PTCHD4: variants seen among roughly 807,000 people sequenced by gnomAD.
The protein encoded by PTCHD4 is patched domain-containing protein 4.
PTCHD4 carries 33 observed loss-of-function variants against 58.1 expected under a neutral mutation model. The observed-to-expected ratio is 0.57, with a 90% CI of 0.43 to 0.76. PTCHD4 has a LOEUF of 0.76. Ranked by LOEUF, PTCHD4 falls within the 30% of genes least tolerant of loss-of-function variation. PTCHD4 has a pLI of 0.00. For synonymous variants in PTCHD4, 478 were observed against 409.6 expected, an observed-to-expected ratio of 1.17 and a Z score of -2.02; for missense variants, 1,058 against 1,027.1, an observed-to-expected ratio of 1.03 and a Z score of -0.41.
chr6:47,977,860 A>C (rs1246632915), intron 4 of PTCHD4, among the ~76,000 whole-genome samples: 1 of 152,038 alleles, frequency 6.6e-6, no homozygotes, highest in Non-Finnish European at 1.5e-5. Context: ...AAGTGTAGAT[A>C]AATCAACAAA....
At chr6:47,911,820 G>A (rs755679359) in intron 4 of PTCHD4, among the ~76,000 whole-genome samples, 1 of 152,090 alleles carries the variant, frequency 6.6e-6, no homozygotes, top group Non-Finnish European at 1.5e-5. Context: ...AATCATTCAT[G>A]TATAGATAGC....
At chr6:47,951,180 A>T (rs1441974079) in intron 4 of PTCHD4, among the ~76,000 whole-genome samples, 1 of 152,132 alleles carries the variant, frequency 6.6e-6, no homozygotes, top group Non-Finnish European at 1.5e-5. Flanking sequence ...TTGTCTTTGA[A>T]AACTCAAGTA....
At chr6:48,109,923 A>G (rs1258003953) in intron 1 of PTCHD4, among the ~76,000 whole-genome samples, 1 of 152,148 alleles carries the variant, frequency 6.6e-6, no homozygotes, top group Non-Finnish European at 1.5e-5. Flanking sequence ...TTAAAAATAA[A>G]ACTTAAAAAG....
chr6:47,943,421 C>G (rs1766305685), intron 4 of PTCHD4, among the ~76,000 whole-genome samples: 1 of 152,074 alleles, frequency 6.6e-6, no homozygotes, highest in Admixed American at 6.6e-5. Flanking sequence ...GATTGGCACT[C>G]TGCTACTGGA....
intron 4 of PTCHD4, among the ~76,000 whole-genome samples, chr6:47,941,887 CT>C (rs1561969042): frequency 6.6e-6 from 1 of 152,086 alleles, no homozygotes; most frequent in Non-Finnish European, 1.5e-5. Context: ...AAAGTGGTCT[CT>C]TTTTAAGAAA....
intron 4 of PTCHD4, among the ~76,000 whole-genome samples, chr6:47,945,821 C>A (rs549803828): frequency 6.6e-6 from 1 of 151,760 alleles, no homozygotes; most frequent in East Asian, 1.9e-4. Context: ...TAATTTTCTT[C>A]ATAAAGCTCT....
At chr6:47,927,479 AC>A (rs1349845554) in intron 4 of PTCHD4, among the ~76,000 whole-genome samples, 1 of 152,210 alleles carries the variant, frequency 6.6e-6, no homozygotes, top group African/African-American at 2.4e-5. Flanking sequence ...TTATTTTGGC[AC>A]ACAATGAAGA....
At chr6:47,968,154 G>T (rs1361511668) in intron 4 of PTCHD4, among the ~76,000 whole-genome samples, 2 of 152,088 alleles carry the variant, frequency 1.3e-5, no homozygotes, top group African/African-American at 2.4e-5. Context: ...TCATTGCAGG[G>T]TTATTAACTG....
intron 4 of PTCHD4, among the ~76,000 whole-genome samples, chr6:47,931,385 C>A (rs1243968690): frequency 6.6e-6 from 1 of 152,156 alleles, no homozygotes; most frequent in South Asian, 2.1e-4. Flanking sequence ...CAAGTTTTCC[C>A]ATTTTTGGAA....
Position 47,878,970 on chromosome 6 carries a change from A to C in PTCHD4, c.1865T>G (p.Val622Gly). Residue 622 changes from valine (V) to glycine (G), a missense_variant, in exon 5 of 5, where the codon GTG (valine) becomes GGG (glycine). Coordinates refer to ENST00000339488, the MANE Select transcript of PTCHD4 (RefSeq NM_001384253.1). ...GGATAGGGGCCTCAGCTTTTCCAAC[A>C]CTTCTGTGATTTCTTTCTGCTTGTC... is the stretch of plus-strand genomic sequence containing the variant. ...SRDKQKEITE[V>G]LEKLRPLSLS... 1 of 1,612,978 alleles carries C rather than the reference A, an allele frequency of 6.2e-7. No individual in the cohort carries two copies. Among genetic ancestry groups the C allele is most frequent in the Non-Finnish European group, 8.5e-7 (1 of 1,179,762 alleles).
intron 4 of PTCHD4, among the ~76,000 whole-genome samples, chr6:47,914,196 G>A (rs1765157522): frequency 6.6e-6 from 1 of 152,068 alleles, no homozygotes. Flanking sequence ...TTTTGTGTTT[G>A]TTTTAGCAGC....
chr6:47,990,315 T>C (rs1047249833), intron 4 of PTCHD4, among the ~76,000 whole-genome samples: 2 of 152,152 alleles, frequency 1.3e-5, no homozygotes, highest in African/African-American at 4.8e-5. Context: ...TTTGGGGGAC[T>C]GTTGGAAAGG....
At chr6:48,057,890 C>A (rs560932716) in intron 3 of PTCHD4, among the ~76,000 whole-genome samples, 3 of 152,072 alleles carry the variant, frequency 2.0e-5, no homozygotes, top group Non-Finnish European at 4.4e-5. Flanking sequence ...TTCACATGAT[C>A]TTGTAATGTA....
intron 4 of PTCHD4, among the ~76,000 whole-genome samples, chr6:48,005,042 AT>A (rs1226627940): frequency 2.6e-5 from 4 of 152,090 alleles, no homozygotes; most frequent in African/African-American, 4.8e-5. Context: ...GACACATATA[AT>A]TTTTTTTATG....
intron 3 of PTCHD4, among the ~76,000 whole-genome samples, chr6:48,064,545 A>G (rs997561179): frequency 1.3e-5 from 2 of 152,180 alleles, no homozygotes; most frequent in African/African-American, 2.4e-5. Context: ...TGATGTGTAT[A>G]TTTTAATAGT....
chr6:48,109,551 A>G (rs185901196), intron 1 of PTCHD4, among the ~76,000 whole-genome samples: 1 of 152,130 alleles, frequency 6.6e-6, no homozygotes, highest in East Asian at 1.9e-4. Context: ...AAAATAAACA[A>G]GTGGGACTAC....
intron 3 of PTCHD4, among the ~76,000 whole-genome samples, chr6:48,026,732 C>G (rs982298566): frequency 2.6e-5 from 4 of 152,092 alleles, no homozygotes; most frequent in African/African-American, 4.8e-5. Flanking sequence ...TAGATTGGAT[C>G]TTTCATCCAC....
At chr6:47,953,524 T>C (rs1766735040) in intron 4 of PTCHD4, among the ~76,000 whole-genome samples, 1 of 152,124 alleles carries the variant, frequency 6.6e-6, no homozygotes, top group Non-Finnish European at 1.5e-5. Flanking sequence ...GGTTATAGTA[T>C]GAACATAAGA....
chr6:48,085,649 A>G (rs1562044354), intron 1 of PTCHD4, among the ~76,000 whole-genome samples: 1 of 152,234 alleles, frequency 6.6e-6, no homozygotes, highest in Non-Finnish European at 1.5e-5. Flanking sequence ...AGTTGCTGCA[A>G]TCACTCATGA....
Sources: gnomAD v4.1 joint callset for allele counts (sites outside exome capture counted in the v4.1 genomes callset) on GRCh38, gnomAD v4.1.1 for gene constraint, MANE v1.5 for transcripts, NCBI Gene and HGNC (gene_info 2026-07-23, HGNC 2026-07-21) for gene names.